The following KLHL42 variants were observed in gnomAD, a reference collection of about 807,000 sequenced individuals.
KLHL42 encodes kelch like family member 42.
KLHL42 carries 27 observed loss-of-function variants against 32.7 expected under a neutral mutation model. That is an observed-to-expected ratio of 0.83 (90% confidence interval 0.61 to 1.14). The LOEUF (loss-of-function observed/expected upper bound fraction) is 1.14, where lower values mean the gene tolerates loss of function less well. KLHL42 is among the 50% of genes most tolerant of loss of function. The pLI, the probability that KLHL42 is intolerant of heterozygous loss-of-function variation, is 0.00. For missense variants in KLHL42, 491 were observed against 560.8 expected (o/e 0.88, Z 1.26); for synonymous variants, 267 against 248.2 (o/e 1.08, Z -0.71).
intron 2 of KLHL42, among the ~76,000 whole-genome samples, chr12:27,796,184 C>T (rs1033204154): frequency 6.6e-6 from 1 of 152,216 alleles, no homozygotes; most frequent in Non-Finnish European, 1.5e-5. Flanking sequence ...AGGACATGTG[C>T]GCGCACAGGA....
chr12:27,784,963 CTCTTG>C (rs2062165423), intron 1 of KLHL42, among the ~76,000 whole-genome samples: 1 of 152,072 alleles, frequency 6.6e-6, no homozygotes, highest in African/African-American at 2.4e-5. Flanking sequence ...AGATATTAAT[CTCTTG>C]TCTGTTATGT....
At chr12:27,784,031 A>G (rs1470949582) in intron 1 of KLHL42, among the ~76,000 whole-genome samples, 1 of 151,766 alleles carries the variant, frequency 6.6e-6, no homozygotes, top group African/African-American at 2.4e-5. Flanking sequence ...ATCCTGGTAG[A>G]TGCGTGCATG....
At chr12:27,787,246 G>T (rs2062176289) in intron 1 of KLHL42, among the ~76,000 whole-genome samples, 2 of 151,958 alleles carry the variant, frequency 1.3e-5, no homozygotes, top group Admixed American at 6.6e-5. Flanking sequence ...TGTAATCCCA[G>T]CACTTTGGGA....
chr12:27,800,383 T>C lies in KLHL42; in HGVS notation c.*2217T>C. On this transcript the variant is annotated 3_prime_UTR_variant, in exon 3 of 3. Coordinates refer to ENST00000381271, the MANE Select transcript of KLHL42 (RefSeq NM_020782.2). ...GTGTGTGTGTGTGTGTATGTTTGCA[T>C]ATTATAGCTCTCTTTAAGACAGACA... 3 of 984,816 alleles carry C rather than the reference T, an allele frequency of 3.0e-6. No homozygotes were observed. Among genetic ancestry groups the C allele is most frequent in the Non-Finnish European group, 3.6e-6 (3 of 829,522 alleles). The allele number at this position is 984,816 out of a possible 1,614,324, so 61.0% of individuals were successfully genotyped here.
intron 1 of KLHL42, among the ~76,000 whole-genome samples, chr12:27,783,651 G>C (rs1478140381): frequency 3.3e-5 from 5 of 151,722 alleles, no homozygotes; most frequent in Non-Finnish European, 7.4e-5. Context: ...GCGGGATCTC[G>C]GCTCACTGCA....
At chr12:27,797,421 G>A in intron 2 of KLHL42, 1 of 524,488 alleles carries the variant, frequency 1.9e-6, no homozygotes, top group East Asian at 4.5e-5. Context: ...GTTCAAAGGT[G>A]TGGGGATACC....
In KLHL42 at chr12:27,797,753, G is replaced by A. The variant is rs2062225708; in HGVS notation, c.1105G>A (p.Asp369Asn). The change falls in exon 3 of 3, where the codon GAC becomes AAC. Residue 369 changes from aspartate (D) to asparagine (N), a missense_variant. Asp to Asn is a conservative substitution (Grantham distance 23). Coordinates refer to ENST00000381271, the MANE Select transcript of KLHL42 (RefSeq NM_020782.2). ...MNILQYCPSS[D>N]MWTLFETCDV... ...CATTTTGCAGTACTGCCCCTCTTCCGACATGTGGACGCTCTTTGAAACATG... is the reference window on the plus strand; with the variant it reads ...CATTTTGCAGTACTGCCCCTCTTCCAACATGTGGACGCTCTTTGAAACATG... The A allele has an allele frequency of 1.4e-6, 1 of 720,200 alleles. No homozygotes were observed. Among genetic ancestry groups the A allele is most frequent in the Non-Finnish European group, 2.6e-6 (1 of 387,496 alleles). The allele number at this position is 720,200 out of a possible 1,614,324, so 44.6% of individuals were successfully genotyped here. A position where few individuals can be genotyped will look rare whatever the true frequency, so the allele number is the denominator to read the frequency against.
chr12:27,781,339 C>T (rs2062147390), intron 1 of KLHL42, 137 bp downstream of exon 1: 7 of 1,108,982 alleles, frequency 6.3e-6, no homozygotes, highest in African/African-American at 1.6e-5. Flanking sequence ...ATGTTGTTGG[C>T]CTTGGCGCTG....
chr12:27,792,902 T>G (rs1184198952), intron 2 of KLHL42, among the ~76,000 whole-genome samples: 19 of 152,162 alleles, frequency 1.2e-4, no homozygotes, highest in Admixed American at 1.1e-3. Flanking sequence ...ATTTGGAAAT[T>G]AAAAAAATTT....
At chr12:27,783,725 G>A (rs1314852966) in intron 1 of KLHL42, among the ~76,000 whole-genome samples, 1 of 152,150 alleles carries the variant, frequency 6.6e-6, no homozygotes, top group Non-Finnish European at 1.5e-5. Flanking sequence ...GGGACTACAG[G>A]CGCCCGCTAC....
chr12:27,780,501 C>T lies in KLHL42; in HGVS notation c.171C>T (p.Leu57=). 3 of 1,542,008 alleles carry T rather than the reference C, an allele frequency of 1.9e-6. No homozygotes were observed. The highest frequency in any genetic ancestry group is 2.6e-6 in the Non-Finnish European group (3 of 1,145,786). The change falls in exon 1 of 3, where the codon CTC becomes CTT. Residue 57 remains leucine, a synonymous_variant. Transcript: ENST00000381271. This position sits in a 1 kb window ranked among gnomAD's most constrained non-coding sequence, Gnocchi z 8.8. Reference sequence around the variant, plus strand: ...CGGAGGTGCAGCAGCTGCGCGGCCTCAGCGCGCCGGGCCTGCGGCTGGTGC... The same window carrying T: ...CGGAGGTGCAGCAGCTGCGCGGCCTTAGCGCGCCGGGCCTGCGGCTGGTGC... ...GGPEVQQLRG[L]SAPGLRLVLD...
chr12:27,790,287 C>T (rs2062190741), intron 1 of KLHL42, among the ~76,000 whole-genome samples: 1 of 143,104 alleles, frequency 7.0e-6, no homozygotes, highest in South Asian at 2.4e-4. Flanking sequence ...TTAATCATCT[C>T]TACCACCTTG....
In KLHL42 at chr12:27,801,743, C is replaced by T. The variant is rs2062248407; in HGVS notation, c.*3577C>T. On this transcript the variant is annotated 3_prime_UTR_variant, in exon 3 of 3. Transcript: ENST00000381271. ...GGCTATTTGCCATCCCTGCCTTAGA[C>T]AGAGGAGTGAAAGAATTAAGTGGGT... 1 of 152,168 alleles carries T rather than the reference C, an allele frequency of 6.6e-6. No homozygotes were observed. The highest frequency in any genetic ancestry group is 2.4e-5 in the African/African-American group (1 of 41,442). The allele number at this position is 152,168 out of a possible 1,614,324, so 9.4% of individuals were successfully genotyped here.
Position 27,798,217 on chromosome 12 carries a change from T to C in KLHL42, c.*51T>C. 2.7e-6 allele frequency: 2 copies of C among 728,172 alleles called. No individual in the cohort carries two copies. The highest frequency in any genetic ancestry group is 1.8e-5 in the Admixed American group (1 of 54,278). The allele number at this position is 728,172 out of a possible 1,614,324, so 45.1% of individuals were successfully genotyped here. A position where few individuals can be genotyped will look rare whatever the true frequency, so the allele number is the denominator to read the frequency against. ...AACCTGGTTCAAGTTTTTTTTAAAA[T>C]GTGGTGTCCCATTCCAAGGGAGACC... On this transcript the variant is annotated 3_prime_UTR_variant, in exon 3 of 3. Coordinates refer to ENST00000381271, the MANE Select transcript of KLHL42 (RefSeq NM_020782.2).
At chr12:27,785,409 A>G (rs1591814195) in intron 1 of KLHL42, among the ~76,000 whole-genome samples, 7 of 152,094 alleles carry the variant, frequency 4.6e-5, no homozygotes, top group Admixed American at 4.6e-4. Context: ...AATGGGGGCT[A>G]TGTTACCCAG....
intron 1 of KLHL42, among the ~76,000 whole-genome samples, chr12:27,789,854 G>A (rs2062188629): frequency 6.6e-6 from 1 of 152,122 alleles, no homozygotes; most frequent in South Asian, 2.1e-4. Flanking sequence ...GGGACAAGAC[G>A]AGGCTCTTGA....
At chr12:27,786,719 GTTTTT>G (rs11341444) in intron 1 of KLHL42, among the ~76,000 whole-genome samples, 2 of 101,140 alleles carry the variant, frequency 2.0e-5, no homozygotes, top group African/African-American at 7.7e-5. Flanking sequence ...GATTGAAAGA[GTTTTT>G]TTTTTTTTTT....
Position 27,800,349 on chromosome 12 carries a change from GGGGTGTGTGTGTGT to G in KLHL42, c.*2185_*2198del, listed in dbSNP as rs1323182972. On this transcript the variant is annotated 3_prime_UTR_variant, in exon 3 of 3. Coordinates refer to ENST00000381271, the MANE Select transcript of KLHL42 (RefSeq NM_020782.2). ...AGGTTTGAGGTTGTGTGTGTGTGTG[GGGGTGTGTGTGTGT>G]GTGTGTGTGTATGTTTGCATATTAT... The G allele has an allele frequency of 1.8e-5, 11 of 615,594 alleles. No individual in the cohort carries two copies. The highest frequency in any genetic ancestry group is 1.8e-6 in the Non-Finnish European group (1 of 551,628). The allele number at this position is 615,594 out of a possible 1,614,324, so 38.1% of individuals were successfully genotyped here. A position where few individuals can be genotyped will look rare whatever the true frequency, so the allele number is the denominator to read the frequency against.
Position 27,798,369 on chromosome 12 carries a change from A to G in KLHL42, c.*203A>G. The G allele has an allele frequency of 1.9e-6, 1 of 530,730 alleles. No individual in the cohort carries two copies. The highest frequency in any genetic ancestry group is 3.3e-6 in the Non-Finnish European group (1 of 301,710). 32.9% of individuals were successfully genotyped at this position (530,730 alleles called of 1,614,324 possible). On this transcript the variant is annotated 3_prime_UTR_variant, in exon 3 of 3. Coordinates refer to ENST00000381271, the MANE Select transcript of KLHL42 (RefSeq NM_020782.2). ...AGAGACCAACTTTGTTATTTTTTAA[A>G]TTATTGATTTTTAAATTATGGGAGC...
Sources: gnomAD v4.1 joint callset for allele counts (sites outside exome capture counted in the v4.1 genomes callset) on GRCh38, gnomAD v4.1.1 for gene constraint, Gnocchi (gnomAD v3.1) non-coding constraint, MANE v1.5 for transcripts, NCBI Gene and HGNC (gene_info 2026-07-23, HGNC 2026-07-21) for gene names.